ATAD2B: variants seen among roughly 807,000 people sequenced by gnomAD.
ATAD2B encodes the protein ATPase family AAA domain containing 2B.
ATAD2B carries 40 observed loss-of-function variants against 167.6 expected under a neutral mutation model. The ratio of observed to expected loss-of-function variants is 0.24; its 90% CI spans 0.19 to 0.31. ATAD2B has a LOEUF of 0.31. Among genes scored for constraint, ATAD2B ranks in the 10% least tolerant of loss-of-function variants. The pLI, the probability that ATAD2B is intolerant of heterozygous loss-of-function variation, is 1.00. For synonymous variants in ATAD2B, 579 were observed against 596.5 expected (o/e 0.97, Z 0.43); for missense variants, 1,242 against 1,757.2 (o/e 0.71, Z 5.24).
At position 23,887,954 on chromosome 2, in the gene ATAD2B, C is replaced by T; in HGVS notation, c.450G>A (p.Lys150=). ...SLRSHPLRGE[K]KGDGDLSCIN... ...TACAAGAAAGGTCCCCATCTCCCTT[C>T]TTTTCCCCTCGAAGGGGATGGCTTC... Residue 150 remains lysine, a synonymous_variant, in exon 4 of 28, where the codon AAG becomes AAA. Transcript: ENST00000238789. The T allele has an allele frequency of 1.2e-6, 2 of 1,604,354 alleles. No individual in the cohort carries two copies. The highest frequency in any genetic ancestry group is 1.7e-6 in the Non-Finnish European group (2 of 1,176,660).
chr2:23,897,439 T>C (rs1363372852), intron 1 of ATAD2B, among the ~76,000 whole-genome samples: 2 of 152,228 alleles, frequency 1.3e-5, no homozygotes, highest in Non-Finnish European at 2.9e-5. Flanking sequence ...CCAGCCTTAG[T>C]ATTCATTGAC....
In ATAD2B at chr2:23,852,035, T is replaced by TA. The variant is rs1483040413; in HGVS notation, c.1568+5379_1568+5380insT. Among the ~76,000 whole-genome samples the TA allele has an allele frequency of 4.6e-5, 7 of 152,182 alleles. No individual in the cohort carries two copies. In the East Asian group the frequency reaches 1.3e-3, roughly 29 times the overall value. On this transcript the variant is annotated intron_variant, in intron 13 of 27. Coordinates refer to ENST00000238789, the MANE Select transcript of ATAD2B (RefSeq NM_017552.4). ...ATAGTAGGAAAAAATGTATGTAAAT[T>TA]TCTTGACTTAGGTGAAATGAACAAA... is the stretch of plus-strand genomic sequence containing the variant.
chr2:23,704,380 G>A, the ATAD2B span, among the ~76,000 whole-genome samples: 2 of 152,174 alleles, frequency 1.3e-5, no homozygotes, highest in African/African-American at 2.4e-5. Flanking sequence ...AGTGTGGCTC[G>A]GTCCCCAGGC....
chr2:23,688,470 A>G, the ATAD2B span, among the ~76,000 whole-genome samples: 1 of 152,210 alleles, frequency 6.6e-6, no homozygotes, highest in Non-Finnish European at 1.5e-5. Context: ...GATGTCTGGA[A>G]GGAAGGGCAT....
At chr2:23,731,609 T>A in the ATAD2B span, among the ~76,000 whole-genome samples, 97 of 152,342 alleles carry the variant, frequency 6.4e-4, 1 homozygote, top group Middle Eastern at 0.031. Flanking sequence ...AGTAGCTGCA[T>A]TATCAATAGT....
At chr2:23,688,337 T>C in the ATAD2B span, among the ~76,000 whole-genome samples, 14 of 152,186 alleles carry the variant, frequency 9.2e-5, no homozygotes, top group African/African-American at 3.4e-4. Context: ...GCCCCATGCC[T>C]GTCCCTCACC....
chr2:23,817,499 C>T (rs1450794340), intron 17 of ATAD2B, among the ~76,000 whole-genome samples: 1 of 152,220 alleles, frequency 6.6e-6, no homozygotes, highest in Non-Finnish European at 1.5e-5. Context: ...TCCTGTGAAA[C>T]CTTCCCAGAC....
chr2:23,775,280 T>C (rs1678925002), intron 22 of ATAD2B, among the ~76,000 whole-genome samples: 1 of 151,354 alleles, frequency 6.6e-6, no homozygotes, highest in African/African-American at 2.4e-5. Flanking sequence ...AGTGGCATGA[T>C]CTCAGCTCAC....
chr2:23,857,854 G>A (rs1275266438), intron 12 of ATAD2B, among the ~76,000 whole-genome samples: 1 of 147,650 alleles, frequency 6.8e-6, no homozygotes, highest in Admixed American at 7.0e-5. Flanking sequence ...CCATTCTCCT[G>A]CCTCAGCCTC....
chr2:23,918,938 G>T (rs1464103689), intron 1 of ATAD2B, among the ~76,000 whole-genome samples: 1 of 152,176 alleles, frequency 6.6e-6, no homozygotes, highest in African/African-American at 2.4e-5. Flanking sequence ...TTGTTACAAG[G>T]ATTGAATGAG....
chr2:23,745,368 AGAAGGAAGGAAGGAAGGAAGGAAGGAAG>A (rs767435573), downstream of ATAD2B, among the ~76,000 whole-genome samples: 3 of 52,920 alleles, frequency 5.7e-5, no homozygotes, highest in Admixed American at 4.8e-4. Context: ...AAGGAAGGAA[AGAAGGAAGGAAGGAAGGAAGGAAGGAAG>A]GAAGGAAGGA....
chr2:23,832,136 A>C, intron 14 of ATAD2B: 1 of 438,262 alleles, frequency 2.3e-6, no homozygotes, highest in South Asian at 1.7e-5. Flanking sequence ...ATGGTTAATC[A>C]CACCCTCCTC....
At chr2:23,753,512 G>A (rs898946292) in intron 27 of ATAD2B, among the ~76,000 whole-genome samples, 2 of 152,058 alleles carry the variant, frequency 1.3e-5, no homozygotes, top group Non-Finnish European at 1.5e-5. Context: ...CATTTGCTCA[G>A]ATGACCTGAA....
chr2:23,745,663 T>C (rs1300576156), downstream of ATAD2B, among the ~76,000 whole-genome samples: 1 of 152,184 alleles, frequency 6.6e-6, no homozygotes, highest in Non-Finnish European at 1.5e-5. Flanking sequence ...CCAACAACAG[T>C]ACCTACCTCC....
At chr2:23,917,830 G>C (rs181041016) in intron 1 of ATAD2B, among the ~76,000 whole-genome samples, 3 of 151,954 alleles carry the variant, frequency 2.0e-5, no homozygotes, top group East Asian at 1.9e-4. Flanking sequence ...AGGCCAAGCC[G>C]GGGGGATCAC....
the ATAD2B span, among the ~76,000 whole-genome samples, chr2:23,733,503 A>T: frequency 3.9e-5 from 6 of 152,188 alleles, no homozygotes. Context: ...TCATGGTTTG[A>T]ACAATCATTT....
chr2:23,762,167 C>T (rs746056996), intron 24 of ATAD2B, 42 bp downstream of exon 24: 1 of 1,599,532 alleles, frequency 6.3e-7, no homozygotes, highest in Non-Finnish European at 8.5e-7. Context: ...ACATCATTCT[C>T]AGTTGTTCTC....
intron 22 of ATAD2B, among the ~76,000 whole-genome samples, chr2:23,769,214 G>A (rs530226663): frequency 3.3e-5 from 5 of 152,250 alleles, no homozygotes; most frequent in Admixed American, 6.5e-5. Flanking sequence ...GCCAAGGTGG[G>A]TGGATCACGA....
chr2:23,735,685 G>T, the ATAD2B span, among the ~76,000 whole-genome samples: 2 of 152,198 alleles, frequency 1.3e-5, no homozygotes, highest in Non-Finnish European at 2.9e-5. Context: ...GTAAGAAGGA[G>T]AAACTTCAGT....
Sources: gnomAD v4.1 joint callset for allele counts (sites outside exome capture counted in the v4.1 genomes callset) on GRCh38, gnomAD v4.1.1 for gene constraint, MANE v1.5 for transcripts, NCBI Gene and HGNC (gene_info 2026-07-23, HGNC 2026-07-21) for gene names.